TTN: variants seen among roughly 807,000 people sequenced by gnomAD.
TTN encodes the protein connectin.
In TTN, 1,525 loss-of-function variants were observed where a neutral mutation model predicts 3,223.0. The ratio of observed to expected loss-of-function variants is 0.47; its 90% CI spans 0.45 to 0.49. The LOEUF (loss-of-function observed/expected upper bound fraction) is 0.49, where lower values mean the gene tolerates loss of function less well. Among genes scored for constraint, TTN ranks in the 20% least tolerant of loss-of-function variants. TTN has a pLI of 0.00. For synonymous variants in TTN, 14,094 were observed against 15,161.0 expected (o/e 0.93, Z 5.17); for missense variants, 40,786 against 43,424.0 (o/e 0.94, Z 5.40).
At position 178,546,858 on chromosome 2, in the gene TTN, A is replaced by G. The variant is rs1697398361; in HGVS notation, c.94570T>C (p.Ser31524Pro). The stretch of plus-strand genomic sequence containing the variant: ...TACGCTGGGGCAGACCAAATCAGTG[A>G]TACTGTTGATCTTGTGACATCTGTC... ...EVTDVTRSTV[S>P]LIWSAPAYDG... Residue 31524 changes from serine to proline, a missense_variant, in exon 341 of 363, where the codon TCA (serine) becomes CCA (proline). Physicochemically the swap from Ser to Pro is moderately conservative, Grantham distance 74. Coordinates refer to ENST00000589042, the MANE Select transcript of TTN (RefSeq NM_001267550.2). The G allele has an allele frequency of 6.2e-7, 1 of 1,601,100 alleles. No homozygotes were observed. The highest frequency in any genetic ancestry group is 8.5e-7 in the Non-Finnish European group (1 of 1,170,616).
At chr2:178,684,170 A>C in intron 132 of TTN, 88 bp from the exon 133 acceptor site, 1 of 1,436,182 alleles carries the variant, frequency 7.0e-7, no homozygotes, top group South Asian at 1.2e-5. Context: ...AAACATAAAC[A>C]CTTGACATTT....
chr2:178,561,907 A>C lies in TTN; in HGVS notation c.84225T>G (p.Ser28075=). The C allele has an allele frequency of 6.2e-7, 1 of 1,613,626 alleles. No individual in the cohort carries two copies. The highest frequency in any genetic ancestry group is 8.5e-7 in the Non-Finnish European group (1 of 1,179,730). ...DEVSCDSITI[S]WNPPEYDGGC... The stretch of plus-strand genomic sequence containing the variant: ...CACCATCATATTCTGGAGGATTCCA[A>C]GAAATGGTTATGCTGTCACAACTAA... Residue 28075 remains serine, a synonymous_variant, in exon 326 of 363, where the codon TCT becomes TCG. Transcript: ENST00000589042.
In TTN at chr2:178,780,132, T is replaced by C; in HGVS notation, c.3597A>G (p.Glu1199=). The change falls in exon 22 of 363, where the codon GAA becomes GAG. Residue 1199 remains glutamate, a synonymous_variant. Coordinates refer to ENST00000589042, the MANE Select transcript of TTN (RefSeq NM_001267550.2). ...CAGGTGCTGTTTCTCCAACTTTAGG[T>C]TCTTGAACAAATGCAGTCACTTGTG... is the stretch of plus-strand genomic sequence containing the variant. The part of the protein sequence containing the change: ...YQTQVTAFVQ[E]PKVGETAPGF... 2 of 1,613,838 alleles carry C rather than the reference T, an allele frequency of 1.2e-6. No homozygotes were observed. Among genetic ancestry groups the C allele is most frequent in the Middle Eastern group, 1.7e-4 (1 of 6,060 alleles).
At chr2:178,753,072 C>T in intron 47 of TTN, 52 bp downstream of exon 47, 2 of 1,454,888 alleles carry the variant, frequency 1.4e-6, no homozygotes, top group Admixed American at 3.4e-5. Flanking sequence ...CTCAAGGATC[C>T]TATTAATCCT....
rs1708193372 is a variant in TTN at position 178,571,555 on chromosome 2, T to C, written c.74577A>G (p.Val24859=). 1.2e-6 allele frequency: 2 copies of C among 1,613,162 alleles called. No individual in the cohort carries two copies. The highest frequency in any genetic ancestry group is 1.1e-5 in the South Asian group (1 of 91,074). The change falls in exon 326 of 363, where the codon GTA becomes GTG. Residue 24859 remains valine (V), a synonymous_variant. Transcript: ENST00000589042. ...TTGTTGTCCTTGCAACTGTAGCTGA[T>C]ACAATTTGCCAGGTGGTTGTGGAAG... The part of the protein sequence containing the change: ...RDTSTTTWQI[V]SATVARTTIK...
intron 7 of TTN, 136 bp downstream of exon 7, chr2:178,794,786 G>T: frequency 2.5e-6 from 3 of 1,194,088 alleles, no homozygotes; most frequent in East Asian, 2.4e-5. Context: ...TACTGAATTT[G>T]GTCTTCAGTT....
Position 178,613,760 on chromosome 2 carries a change from G to C in TTN, c.49523C>G (p.Thr16508Arg). ...VRCNKMPVKD[T>R]TYRVKGLTNK... is the part of the protein sequence containing the mutation. ...GGGATTCTGAGCATACCTGTATGTT[G>C]TGTCCTTTACTGGCATCTTATTGCA... The change falls in exon 263 of 363, where the codon ACA (threonine) becomes AGA (arginine). Residue 16508 changes from threonine (T) to arginine (R), a missense_variant. Transcript: ENST00000589042. 1 of 1,612,096 alleles carries C rather than the reference G, an allele frequency of 6.2e-7. No individual in the cohort carries two copies. Among genetic ancestry groups the C allele is most frequent in the Non-Finnish European group, 8.5e-7 (1 of 1,178,814 alleles).
At chr2:178,705,870 GA>G (rs906988545) in intron 102 of TTN, among the ~76,000 whole-genome samples, 4 of 152,042 alleles carry the variant, frequency 2.6e-5, no homozygotes, top group Admixed American at 1.3e-4. Flanking sequence ...ATCATATATA[GA>G]AAAAAAGTTT....
rs767950309 is a variant in TTN, at chr2:178,741,325, T to C, written c.11908A>G (p.Thr3970Ala). Residue 3970 changes from threonine to alanine, a missense_variant, in exon 48 of 363, where the codon ACA becomes GCA. Transcript: ENST00000589042. ...AGCTGCTTGTTTTCTTTGAACCATG[T>C]AACAGTAGGGGCAGGCTCTCCAACC... ...TVVGEPAPTV[T>A]WFKENKQLCT... 6.2e-7 allele frequency: 1 copy of C among 1,613,898 alleles called. No individual in the cohort carries two copies. Among genetic ancestry groups the C allele is most frequent in the Non-Finnish European group, 8.5e-7 (1 of 1,179,828 alleles).
In TTN at chr2:178,701,128, C is replaced by G. The variant is rs375545238; in HGVS notation, c.30674G>C (p.Arg10225Pro). The change falls in exon 111 of 363, where the codon CGT becomes CCT. Residue 10225 changes from arginine to proline, a missense_variant. Transcript: ENST00000589042. ...TPEEKKPPPKRIEVTKKAVKK... is the reference protein window; with the variant it reads ...TPEEKKPPPKPIEVTKKAVKK... ...TAGATGAGGTATAATACCTTCAATA[C>G]GTTTTGGTGGTGGTTTCTTTTCTTC... The G allele has an allele frequency of 2.5e-6, 4 of 1,613,540 alleles. No individual in the cohort carries two copies. The highest frequency in any genetic ancestry group is 3.4e-6 in the Non-Finnish European group (4 of 1,179,648).
Position 178,548,894 on chromosome 2 carries a change from G to A in TTN, c.92732C>T (p.Thr30911Ile), listed in dbSNP as rs1258281031. The A allele has an allele frequency of 1.9e-6, 3 of 1,613,816 alleles. No homozygotes were observed. ...CCGGTCAACTGCTTTAATTGTGCCAGTCACTTCACAGCTGTCGCCTTTTCC... is the reference window on the plus strand; with the variant it reads ...CCGGTCAACTGCTTTAATTGTGCCAATCACTTCACAGCTGTCGCCTTTTCC... ...GAGKGDSCEV[T>I]GTIKAVDRLT... The change falls in exon 339 of 363, where the codon ACT (threonine) becomes ATT (isoleucine). Residue 30911 changes from threonine to isoleucine, a missense_variant. Coordinates refer to ENST00000589042, the MANE Select transcript of TTN (RefSeq NM_001267550.2). This position sits in a 1 kb window ranked among gnomAD's most constrained non-coding sequence, Gnocchi z 4.3.
intron 215 of TTN, 26 bp from the exon 216 acceptor site, chr2:178,646,585 T>C (rs2062037359): frequency 7.0e-7 from 1 of 1,421,362 alleles, no homozygotes; most frequent in South Asian, 1.3e-5. Flanking sequence ...ACAAAGGAGA[T>C]GAGGTTGCAA....
At chr2:178,669,495 T>A in intron 158 of TTN, 48 bp from the exon 159 acceptor site, 1 of 1,575,314 alleles carries the variant, frequency 6.3e-7, no homozygotes, top group South Asian at 1.2e-5. Flanking sequence ...AAATATAAGA[T>A]ACGAAATACA....
At position 178,553,369 on chromosome 2, in the gene TTN, GCC is replaced by G; in HGVS notation, c.89529_89530del (p.Ala29844SerfsTer11). On this transcript the variant is annotated frameshift_variant, in exon 335 of 363. Transcript: ENST00000589042. LOFTEE classifies it high-confidence loss of function. ...TTTGGCAATAACAGAAGTTCTGAGA[GCC>G]ACATCCAGGTCAATCTCTGGTGCCT... is the stretch of plus-strand genomic sequence containing the variant. 6.3e-7 allele frequency: 1 copy of G among 1,597,842 alleles called. No individual in the cohort carries two copies. Among genetic ancestry groups the G allele is most frequent in the Non-Finnish European group, 8.5e-7 (1 of 1,173,328 alleles).
chr2:178,591,385 T>C lies in TTN; in HGVS notation c.60340A>G (p.Thr20114Ala), dbSNP rs374632284. Residue 20114 changes from threonine (T) to alanine (A), a missense_variant, in exon 304 of 363, where the codon ACC becomes GCC. Coordinates refer to ENST00000589042, the MANE Select transcript of TTN (RefSeq NM_001267550.2). ...TCGGTTTTAATCTCACTCCCATCGG[T>C]TGTCCACTTTGCAGTAGGAACAGGC... ...GVPVPTAKWTTDGSEIKTDEH... is the reference protein window; with the variant it reads ...GVPVPTAKWTADGSEIKTDEH... 10 of 1,612,998 alleles carry C rather than the reference T, an allele frequency of 6.2e-6. No homozygotes were observed. In the Admixed American group the frequency reaches 8.3e-5, roughly 13 times the overall value.
In TTN at chr2:178,535,441, A is replaced by G. The variant is rs1329737429; in HGVS notation, c.101174T>C (p.Ile33725Thr). The change falls in exon 358 of 363, where the codon ATT (isoleucine) becomes ACT (threonine). Residue 33725 changes from isoleucine (I) to threonine (T), a missense_variant. By Grantham distance (89) the Ile-to-Thr change is moderately conservative. Transcript: ENST00000589042. ...SDGGSKITNY[I>T]VEKCATTAER... Reference sequence around the variant, plus strand: ...TGCAGTAGTTGCACATTTTTCAACAATGTAGTTGGTGATTTTGCTGCCACC... The same window carrying G: ...TGCAGTAGTTGCACATTTTTCAACAGTGTAGTTGGTGATTTTGCTGCCACC... 5.6e-6 allele frequency: 9 copies of G among 1,613,814 alleles called. No homozygotes were observed. The highest frequency in any genetic ancestry group is 1.6e-4 in the Middle Eastern group (1 of 6,084).
chr2:178,534,888 A>G lies in TTN; in HGVS notation c.101727T>C (p.Phe33909=). Residue 33909 remains phenylalanine, a synonymous_variant, in exon 358 of 363, where the codon TTT becomes TTC. Coordinates refer to ENST00000589042, the MANE Select transcript of TTN (RefSeq NM_001267550.2). ...TTACAATTTCTCTTTCATTAAGTTC[A>G]AAAGCACTTGTGTTAATGCGCTCAA... ...DIFERINTSA[F]ELNEREIVSY... The G allele has an allele frequency of 6.2e-7, 1 of 1,609,108 alleles. No individual in the cohort carries two copies. The highest frequency in any genetic ancestry group is 8.5e-7 in the Non-Finnish European group (1 of 1,179,802).
Position 178,711,142 on chromosome 2 carries a change from C to G in TTN, c.28094G>C (p.Arg9365Pro). Residue 9365 changes from arginine to proline, a missense_variant, in exon 97 of 363, where the codon CGG becomes CCG. Physicochemically the swap from Arg to Pro is moderately radical, Grantham distance 103 (BLOSUM62 -2). Transcript: ENST00000589042. ...GCAGGAATACTGGCCTGCAAGGCTC[C>G]GGTCAGTTTTAAAAATATTGAGTGT... ...TATLNIFKTDRSLAGQYSCTA... is the reference protein window; with the variant it reads ...TATLNIFKTDPSLAGQYSCTA... 1 of 1,613,760 alleles carries G rather than the reference C, an allele frequency of 6.2e-7. No individual in the cohort carries two copies. Among genetic ancestry groups the G allele is most frequent in the East Asian group, 2.2e-5 (1 of 44,888 alleles).
chr2:178,584,673 T>G lies in TTN; in HGVS notation c.64968A>C (p.Pro21656=). 6.2e-7 allele frequency: 1 copy of G among 1,613,026 alleles called. No individual in the cohort carries two copies. The part of the protein sequence containing the change: ...LTSPKMVAQF[P]FGVPSEPKNA... ...TTCTCCTTCACAAAAACATACCAAA[T>G]GGGAACTGCGCAACCATCTTTGGAG... The change falls in exon 310 of 363, where the codon CCA becomes CCC. Residue 21656 remains proline, a synonymous_variant. Transcript: ENST00000589042.
Sources: gnomAD v4.1 joint callset for allele counts (sites outside exome capture counted in the v4.1 genomes callset) on GRCh38, gnomAD v4.1.1 for gene constraint, Gnocchi (gnomAD v3.1) non-coding constraint, MANE v1.5 for transcripts, NCBI Gene and HGNC (gene_info 2026-07-23, HGNC 2026-07-21) for gene names.